DCC: variants seen among roughly 807,000 people sequenced by gnomAD.
DCC encodes the protein DCC netrin 1 receptor.
DCC carries 58 observed loss-of-function variants against 172.5 expected under a neutral mutation model. That is an observed-to-expected ratio of 0.34 (90% CI 0.27 to 0.42). The LOEUF (loss-of-function observed/expected upper bound fraction) is 0.42, where lower values mean the gene tolerates loss of function less well. Among genes scored for constraint, DCC ranks in the 10% least tolerant of loss-of-function variants. The pLI, the probability that DCC is intolerant of heterozygous loss-of-function variation, is 1.00. For missense variants in DCC, 1,740 were observed against 1,791.0 expected (o/e 0.97, Z 0.51); for synonymous variants, 709 against 644.5 (o/e 1.10, Z -1.52).
intron 5 of DCC, among the ~76,000 whole-genome samples, chr18:53,005,194 C>T (rs1308815491): frequency 1.3e-5 from 2 of 152,114 alleles, no homozygotes; most frequent in Non-Finnish European, 2.9e-5. Context: ...CTCAGGTATT[C>T]TGTTATAGTA....
intron 2 of DCC, among the ~76,000 whole-genome samples, chr18:52,901,887 C>G (rs960734778): frequency 6.6e-6 from 1 of 152,116 alleles, no homozygotes; most frequent in African/African-American, 2.4e-5. Flanking sequence ...AAATACTTTT[C>G]AAGCTTTTAT....
At chr18:52,725,951 A>T (rs1225680977) in intron 1 of DCC, among the ~76,000 whole-genome samples, 1 of 152,194 alleles carries the variant, frequency 6.6e-6, no homozygotes. Context: ...TACATACATT[A>T]TCTTATTTAT....
At chr18:53,002,593 C>T (rs1019287031) in intron 5 of DCC, among the ~76,000 whole-genome samples, 1 of 152,086 alleles carries the variant, frequency 6.6e-6, no homozygotes, top group African/African-American at 2.4e-5. Flanking sequence ...CACCACAACT[C>T]TGTGCATCAT....
chr18:53,232,362 G>C (rs2056135757), intron 12 of DCC, among the ~76,000 whole-genome samples: 1 of 152,124 alleles, frequency 6.6e-6, no homozygotes, highest in Non-Finnish European at 1.5e-5. Flanking sequence ...CTTAAGCACA[G>C]CATTATTATT....
chr18:52,567,416 C>T (rs1339532540), intron 1 of DCC, among the ~76,000 whole-genome samples: 1 of 151,956 alleles, frequency 6.6e-6, no homozygotes. Context: ...CAGAATGGAC[C>T]CTGGAGCCGT....
At chr18:52,782,526 A>ACT (rs142971261) in intron 2 of DCC, among the ~76,000 whole-genome samples, 8,033 of 151,916 alleles carry the variant, frequency 0.053, 286 homozygotes, top group South Asian at 0.16. Flanking sequence ...TTATTCCTAA[A>ACT]CTCTGCCTCT....
intron 5 of DCC, among the ~76,000 whole-genome samples, chr18:52,950,284 TACTC>T (rs1390920797): frequency 6.6e-6 from 1 of 152,212 alleles, no homozygotes; most frequent in African/African-American, 2.4e-5. Flanking sequence ...TTTCTGGACT[TACTC>T]TCTCTGTGTC....
intron 7 of DCC, 100 bp from the exon 8 acceptor site, chr18:53,157,256 A>G (rs1296861361): frequency 1.4e-5 from 19 of 1,400,978 alleles, no homozygotes; most frequent in Admixed American, 8.4e-5. Context: ...CAAGGTGACT[A>G]TGACATGGAG....
intron 2 of DCC, among the ~76,000 whole-genome samples, chr18:52,831,033 A>C (rs924025684): frequency 6.6e-6 from 1 of 152,178 alleles, no homozygotes; most frequent in Non-Finnish European, 1.5e-5. Context: ...GGACATTCTG[A>C]TCAGGCTTTA....
intron 1 of DCC, among the ~76,000 whole-genome samples, chr18:52,355,363 A>G (rs1437420148): frequency 6.6e-6 from 1 of 152,176 alleles, no homozygotes; most frequent in Non-Finnish European, 1.5e-5. Flanking sequence ...CTAAATCACA[A>G]ATCTACGAAT....
intron 20 of DCC, among the ~76,000 whole-genome samples, 160 bp downstream of exon 20, chr18:53,410,806 G>A (rs896248254): frequency 9.9e-5 from 15 of 152,072 alleles, no homozygotes; most frequent in Admixed American, 2.6e-4. Context: ...GCTCAAAGCC[G>A]ACATATCAAA....
At chr18:53,394,151 GCCACATGA>G (rs1599101442) in intron 17 of DCC, among the ~76,000 whole-genome samples, 1 of 152,148 alleles carries the variant, frequency 6.6e-6, no homozygotes, top group East Asian at 1.9e-4. Context: ...TGTACATGGA[GCCACATGA>G]CCTGGGCTCA....
At chr18:53,500,240 AAGG>A (rs2046080206) in intron 27 of DCC, among the ~76,000 whole-genome samples, 1 of 152,202 alleles carries the variant, frequency 6.6e-6, no homozygotes, top group East Asian at 1.9e-4. Context: ...GAGACAGAAG[AAGG>A]AGGAGAGGAG....
intron 1 of DCC, among the ~76,000 whole-genome samples, chr18:52,341,489 G>A (rs1983633898): frequency 6.6e-6 from 1 of 152,166 alleles, no homozygotes; most frequent in Admixed American, 6.5e-5. Flanking sequence ...GTTTAATATT[G>A]TTTTATTTTT....
chr18:52,920,251 G>C (rs1370397049), intron 3 of DCC, among the ~76,000 whole-genome samples: 2 of 151,778 alleles, frequency 1.3e-5, no homozygotes, highest in Non-Finnish European at 2.9e-5. Flanking sequence ...TTCTACAAAA[G>C]ATACTTTTAA....
chr18:53,011,737 G>T (rs1481938801), intron 5 of DCC, among the ~76,000 whole-genome samples: 9 of 87,164 alleles, frequency 1.0e-4, no homozygotes, highest in Admixed American at 8.9e-4. Flanking sequence ...AAGTTCATGG[G>T]CCCTACCTCA....
intron 5 of DCC, among the ~76,000 whole-genome samples, chr18:52,965,746 G>GT (rs1194397934): frequency 2.6e-5 from 4 of 152,136 alleles, no homozygotes; most frequent in Non-Finnish European, 5.9e-5. Flanking sequence ...TGTGTCATAA[G>GT]TAATTTATAT....
At chr18:52,807,090 G>A (rs1453303347) in intron 2 of DCC, among the ~76,000 whole-genome samples, 2 of 152,202 alleles carry the variant, frequency 1.3e-5, no homozygotes, top group African/African-American at 4.8e-5. Context: ...AGCTACTCGG[G>A]AGGCTGAGGC....
chr18:52,990,166 G>T (rs1439155577), intron 5 of DCC, among the ~76,000 whole-genome samples: 2 of 152,070 alleles, frequency 1.3e-5, no homozygotes, highest in Non-Finnish European at 2.9e-5. Flanking sequence ...AGAACCCAGA[G>T]ATGCTAATTC....
Sources: allele counts gnomAD v4.1 joint callset (sites outside exome capture counted in the v4.1 genomes callset), GRCh38; gene constraint gnomAD v4.1.1; transcripts MANE v1.5; gene names NCBI Gene and HGNC (gene_info 2026-07-23, HGNC 2026-07-21).